The following HHIPL2 variants were observed in gnomAD, a reference collection of about 807,000 sequenced individuals.
HHIPL2 encodes the protein HHIP like 2.
A neutral mutation model predicts 61.0 loss-of-function variants in HHIPL2; 61 were observed. The observed-to-expected ratio is 1.00, with a 90% CI of 0.81 to 1.24. HHIPL2 has a LOEUF of 1.24. Among genes scored for constraint, HHIPL2 ranks in the 50% most tolerant of loss-of-function variants. HHIPL2 has a pLI of 0.00. For missense variants in HHIPL2, 885 were observed against 910.2 expected (o/e 0.97, Z 0.36); for synonymous variants, 343 against 357.4 (o/e 0.96, Z 0.45).
intron 2 of HHIPL2, 121 bp downstream of exon 2, chr1:222,543,416 C>G: frequency 2.0e-6 from 2 of 1,021,548 alleles, no homozygotes; most frequent in Non-Finnish European, 2.9e-6. Flanking sequence ...ACAGTGACTC[C>G]TTTCTCAACA....
At chr1:222,527,986 G>A (rs1030117089) in intron 6 of HHIPL2, among the ~76,000 whole-genome samples, 1 of 152,066 alleles carries the variant, frequency 6.6e-6, no homozygotes, top group Non-Finnish European at 1.5e-5. Context: ...GTCTTTATCA[G>A]CAGTGTGAAA....
intron 6 of HHIPL2, 68 bp from the exon 7 acceptor site, chr1:222,527,118 A>G: frequency 8.0e-7 from 1 of 1,253,386 alleles, no homozygotes; most frequent in Non-Finnish European, 1.1e-6. Context: ...AGTTGGATGC[A>G]CAGAAAATGG....
At chr1:222,527,138 G>T in intron 6 of HHIPL2, 88 bp from the exon 7 acceptor site, 3 of 1,005,620 alleles carry the variant, frequency 3.0e-6, no homozygotes, top group Non-Finnish European at 4.5e-6. Context: ...GTCAAAAAGA[G>T]GTTATGGCCC....
intron 2 of HHIPL2, 85 bp from the exon 3 acceptor site, chr1:222,542,240 C>G: frequency 6.7e-7 from 1 of 1,490,412 alleles, no homozygotes; most frequent in Non-Finnish European, 9.0e-7. Flanking sequence ...ATGACTGGGC[C>G]AAGCCACCGA....
Position 222,540,252 on chromosome 1 carries a change from A to G in HHIPL2, c.1208T>C (p.Phe403Ser), listed in dbSNP as rs1158000586. The G allele has an allele frequency of 1.2e-6, 2 of 1,614,256 alleles. No individual in the cohort carries two copies. The highest frequency in any genetic ancestry group is 1.6e-4 in the Middle Eastern group (1 of 6,062). ...KRYRVPSDNP[F>S]VSEPGAHPAI... ...GGGGTGGGCCCCTGGCTCAGAAACA[A>G]ATGGATTGTCCGAGGGGACTCGGTA... Residue 403 changes from phenylalanine to serine, a missense_variant, in exon 4 of 9, where the codon TTT becomes TCT. Physicochemically the swap from Phe to Ser is radical, Grantham distance 155. Transcript: ENST00000343410.
intron 3 of HHIPL2, 147 bp from the exon 4 acceptor site, chr1:222,540,488 T>A: frequency 1.6e-6 from 1 of 637,526 alleles, no homozygotes; most frequent in Non-Finnish European, 2.6e-6. Flanking sequence ...ATTTTCCTTC[T>A]TTTTTTGTAC....
In HHIPL2 at chr1:222,522,325, T is replaced by A. The variant is rs1658969380; in HGVS notation, c.*276A>T. 2 of 480,006 alleles carry A rather than the reference T, an allele frequency of 4.2e-6. No homozygotes were observed. The highest frequency in any genetic ancestry group is 7.1e-5 in the Admixed American group (2 of 28,308). The allele number at this position is 480,006 out of a possible 1,614,324, so 29.7% of individuals were successfully genotyped here. On this transcript the variant is annotated 3_prime_UTR_variant, in exon 9 of 9. Transcript: ENST00000343410. ...GCATTTACAAGACAAAACGGAGACA[T>A]CCAGTGTGATTCCAAGCAGGCTCAT... is the stretch of plus-strand genomic sequence containing the variant.
chr1:222,547,054 A>C (rs1392064168), intron 1 of HHIPL2, among the ~76,000 whole-genome samples: 1 of 152,214 alleles, frequency 6.6e-6, no homozygotes, highest in Non-Finnish European at 1.5e-5. Flanking sequence ...CTGTGTGTGC[A>C]GCCTACACCC....
chr1:222,532,009 G>C lies in HHIPL2; in HGVS notation c.1680C>G (p.Ser560Arg). 3.1e-6 allele frequency: 5 copies of C among 1,612,830 alleles called. No individual in the cohort carries two copies. Among genetic ancestry groups the C allele is most frequent in the Non-Finnish European group, 4.2e-6 (5 of 1,178,932 alleles). Residue 560 changes from serine to arginine, a missense_variant, in exon 6 of 9, where the codon AGC becomes AGG. Ser to Arg is a moderately radical substitution (Grantham distance 110). Coordinates refer to ENST00000343410, the MANE Select transcript of HHIPL2 (RefSeq NM_024746.4). ...TTSCAFPGLI[S>R]THSKFIISFA... ...AGGAGATGATGAACTTGCTATGGGT[G>C]CTGATCAGCCCTGGGAAGGCACAGG...
intron 3 of HHIPL2, among the ~76,000 whole-genome samples, chr1:222,541,007 G>A (rs2102620018): frequency 6.6e-6 from 1 of 152,304 alleles, no homozygotes; most frequent in East Asian, 1.9e-4. Context: ...AGGCTGAGGT[G>A]GGCGGATAGC....
chr1:222,539,687 A>G (rs1331997451), intron 4 of HHIPL2, among the ~76,000 whole-genome samples: 1 of 152,186 alleles, frequency 6.6e-6, no homozygotes, highest in African/African-American at 2.4e-5. Context: ...GGTTCTCAAA[A>G]TAATATGCCT....
At chr1:222,538,887 C>A in intron 4 of HHIPL2, 113 bp from the exon 5 acceptor site, 1 of 1,058,334 alleles carries the variant, frequency 9.4e-7, no homozygotes. Context: ...AACACTTTAC[C>A]TCTTGGTCTT....
At position 222,522,654 on chromosome 1, in the gene HHIPL2, C is replaced by T; in HGVS notation, c.2122G>A (p.Gly708Ser). 2.5e-6 allele frequency: 4 copies of T among 1,614,232 alleles called. No homozygotes were observed. Among genetic ancestry groups the T allele is most frequent in the Non-Finnish European group, 3.4e-6 (4 of 1,180,044 alleles). Residue 708 changes from glycine to serine, a missense_variant, in exon 9 of 9, where the codon GGC becomes AGC. Coordinates refer to ENST00000343410, the MANE Select transcript of HHIPL2 (RefSeq NM_024746.4). ...KRRKSLKSHSGRMRPSAEQKR... is the reference protein window; with the variant it reads ...KRRKSLKSHSSRMRPSAEQKR... Reference sequence around the variant, plus strand: ...TGCTCTGCTGATGGCCTCATCCTGCCACTGTGGCTTTTCAGGCTCTTCCTC... The same window carrying T: ...TGCTCTGCTGATGGCCTCATCCTGCTACTGTGGCTTTTCAGGCTCTTCCTC...
chr1:222,527,552 C>T (rs1659095491), intron 6 of HHIPL2, among the ~76,000 whole-genome samples: 2 of 152,062 alleles, frequency 1.3e-5, no homozygotes, highest in African/African-American at 4.8e-5. Flanking sequence ...GTGACCCTCC[C>T]CACTCTCCAT....
chr1:222,543,479 C>T, intron 2 of HHIPL2, 58 bp downstream of exon 2: 1 of 1,483,036 alleles, frequency 6.7e-7, no homozygotes, highest in East Asian at 2.3e-5. Flanking sequence ...TCTCGCAGAC[C>T]TGGTTGGCAT....
At chr1:222,528,276 A>G (rs1468653879) in intron 6 of HHIPL2, among the ~76,000 whole-genome samples, 4 of 152,196 alleles carry the variant, frequency 2.6e-5, no homozygotes, top group South Asian at 2.1e-4. Flanking sequence ...GGGGATCACA[A>G]TGCCTCAAGT....
Position 222,542,002 on chromosome 1 carries a change from T to C in HHIPL2, c.1118+10A>G, listed in dbSNP as rs1416963022. 1.3e-6 allele frequency: 2 copies of C among 1,598,442 alleles called. No individual in the cohort carries two copies. Among genetic ancestry groups the C allele is most frequent in the African/African-American group, 1.4e-5 (1 of 73,874 alleles). On this transcript the variant is annotated intron_variant, in intron 3 of 8. Coordinates refer to ENST00000343410, the MANE Select transcript of HHIPL2 (RefSeq NM_024746.4). ...TGAAGGGACAAGGGCCCGGCCCCCA[T>C]CCAGCTTACTTGTTCTGAGCATTTC... is the stretch of plus-strand genomic sequence containing the variant.
chr1:222,527,542 G>A (rs1318361907), intron 6 of HHIPL2, among the ~76,000 whole-genome samples: 1 of 151,480 alleles, frequency 6.6e-6, no homozygotes, highest in Non-Finnish European at 1.5e-5. Flanking sequence ...TTATTTCCTG[G>A]TGACCCTCCC....
chr1:222,547,555 T>C (rs893042035), intron 1 of HHIPL2, among the ~76,000 whole-genome samples, 169 bp downstream of exon 1: 3 of 151,970 alleles, frequency 2.0e-5, no homozygotes, highest in African/African-American at 7.3e-5. Flanking sequence ...GGAGACCAAA[T>C]TCAGCACACA....
Sources: gnomAD v4.1 joint callset for allele counts (sites outside exome capture counted in the v4.1 genomes callset) on GRCh38, gnomAD v4.1.1 for gene constraint, MANE v1.5 for transcripts, NCBI Gene and HGNC (gene_info 2026-07-23, HGNC 2026-07-21) for gene names.